The following LIMD1 variants were observed in gnomAD, a reference collection of about 807,000 sequenced individuals.
LIMD1 encodes LIM domain-containing protein 1.
A neutral mutation model predicts 58.4 loss-of-function variants in LIMD1; 23 were observed. That is an observed-to-expected ratio of 0.39 (90% CI 0.28 to 0.56). The LOEUF (loss-of-function observed/expected upper bound fraction) is 0.56, where lower values mean the gene tolerates loss of function less well. LIMD1 is among the 20% of genes least tolerant of loss of function. The pLI is 0.57. For missense variants in LIMD1, 838 were observed against 855.5 expected (o/e 0.98, Z 0.25); for synonymous variants, 334 against 345.5 (o/e 0.97, Z 0.37).
chr3:45,609,572 A>G (rs959219613), intron 1 of LIMD1, among the ~76,000 whole-genome samples: 1 of 152,282 alleles, frequency 6.6e-6, no homozygotes, highest in African/African-American at 2.4e-5. Context: ...AGTTGTGGGC[A>G]TGAACCCCAA....
intron 1 of LIMD1, among the ~76,000 whole-genome samples, chr3:45,602,699 C>G (rs1490442589): frequency 2.1e-5 from 3 of 144,618 alleles, no homozygotes; most frequent in Non-Finnish European, 4.6e-5. Context: ...AAGCAAGGAA[C>G]ATGTGGATGT....
At chr3:45,659,825 C>A (rs1303502018) in intron 2 of LIMD1, among the ~76,000 whole-genome samples, 1 of 152,156 alleles carries the variant, frequency 6.6e-6, no homozygotes, top group Non-Finnish European at 1.5e-5. Flanking sequence ...CTCACTGAGT[C>A]AGAGATAAAC....
chr3:45,658,080 T>C (rs995535540), intron 2 of LIMD1, among the ~76,000 whole-genome samples: 1 of 152,208 alleles, frequency 6.6e-6, no homozygotes, highest in Non-Finnish European at 1.5e-5. Context: ...TAAAAATATA[T>C]GTGAAAGCCC....
chr3:45,668,156 T>C (rs143776064), intron 3 of LIMD1, 138 bp from the exon 4 acceptor site: 49 of 657,394 alleles, frequency 7.5e-5, no homozygotes, highest in Middle Eastern at 5.5e-4. Context: ...ACAGCTGTGT[T>C]GTACTTGGGG....
rs144425909 is a variant in LIMD1, at chr3:45,674,360, C to T, written c.1842C>T (p.Ile614=). Residue 614 remains isoleucine, a synonymous_variant, in exon 7 of 8, where the codon ATC becomes ATT. Transcript: ENST00000273317. ...GGTCCCAGGGCTCAGATGAGACCATCCGTGTCGTGTCCATGGACAGAGACT... is the reference window on the plus strand; with the variant it reads ...GGTCCCAGGGCTCAGATGAGACCATTCGTGTCGTGTCCATGGACAGAGACT... ...ILPPEGSDET[I]RVVSMDRDYH... is the part of the protein sequence containing the mutation. 1.4e-5 allele frequency: 23 copies of T among 1,613,858 alleles called. No individual in the cohort carries two copies. Among genetic ancestry groups the T allele is most frequent in the Non-Finnish European group, 1.9e-5 (23 of 1,179,958 alleles).
At chr3:45,598,975 A>C (rs1257315187) in intron 1 of LIMD1, among the ~76,000 whole-genome samples, 2 of 152,144 alleles carry the variant, frequency 1.3e-5, no homozygotes, top group African/African-American at 4.8e-5. Context: ...AGAAAACGGA[A>C]GCTCAGGGAG....
intron 1 of LIMD1, among the ~76,000 whole-genome samples, chr3:45,597,366 C>G (rs905822708): frequency 2.6e-5 from 4 of 152,190 alleles, no homozygotes; most frequent in Non-Finnish European, 5.9e-5. Context: ...ACCCAGGTAA[C>G]AGCCAACAGC....
chr3:45,636,254 A>AAGTGTG lies in LIMD1; in HGVS notation c.1510+4_1510+9dup, dbSNP rs780008615. The AAGTGTG allele has an allele frequency of 8.1e-6, 13 of 1,601,992 alleles. No homozygotes were observed. The highest frequency in any genetic ancestry group is 3.4e-6 in the Non-Finnish European group (4 of 1,173,144). On this transcript the variant is annotated splice_donor_region_variant and intron_variant, in intron 2 of 7. Transcript: ENST00000273317. ...ATGCTTCACCTGTGCAGCTTGCAGT[A>AAGTGTG]AGTGTGGGTGTGGGTGTCGGGTGTG...
Position 45,595,098 on chromosome 3 carries a change from G to T in LIMD1, c.219G>T (p.Gly73=). The change falls in exon 1 of 8, where the codon GGG becomes GGT. Residue 73 remains glycine, a synonymous_variant. Transcript: ENST00000273317. ...TGCAGGAGGAGACTCTGCCCAGGGGGAGTAGAGGCCCTGTCAATGGAGGGG... is the reference window on the plus strand; with the variant it reads ...TGCAGGAGGAGACTCTGCCCAGGGGTAGTAGAGGCCCTGTCAATGGAGGGG... ...QLLQEETLPR[G]SRGPVNGGGR... The T allele has an allele frequency of 6.2e-7, 1 of 1,612,610 alleles. No homozygotes were observed. Among genetic ancestry groups the T allele is most frequent in the Non-Finnish European group, 8.5e-7 (1 of 1,179,512 alleles).
At chr3:45,619,314 C>T (rs1182379723) in intron 1 of LIMD1, among the ~76,000 whole-genome samples, 1 of 152,098 alleles carries the variant, frequency 6.6e-6, no homozygotes, top group Non-Finnish European at 1.5e-5. Flanking sequence ...CAGCTGCGAG[C>T]TCTTCTTTAT....
rs762008036 is a variant in LIMD1 at position 45,595,979 on chromosome 3, G to A, written c.1100G>A (p.Gly367Glu). 4.3e-6 allele frequency: 7 copies of A among 1,614,200 alleles called. No homozygotes were observed. Among genetic ancestry groups the A allele is most frequent in the Non-Finnish European group, 5.9e-6 (7 of 1,180,036 alleles). ...GGTTCACAGCAGGGTGCGGTCCCTG[G>A]GCTGGGGCCGAAGCCTGGCTGCACA... ...LDGSQQGAVP[G>E]LGPKPGCTDL... is the part of the protein sequence containing the mutation. The change falls in exon 1 of 8, where the codon GGG (glycine) becomes GAG (glutamate). Residue 367 changes from glycine to glutamate, a missense_variant. Gly to Glu is a moderately conservative substitution (Grantham distance 98). Coordinates refer to ENST00000273317, the MANE Select transcript of LIMD1 (RefSeq NM_014240.3).
At position 45,594,902 on chromosome 3, in the gene LIMD1, G is replaced by C. The variant is rs879508473; in HGVS notation, c.23G>C (p.Gly8Ala). The C allele has an allele frequency of 9.9e-6, 16 of 1,610,788 alleles. No individual in the cohort carries two copies. Among genetic ancestry groups the C allele is most frequent in the Non-Finnish European group, 1.3e-5 (15 of 1,179,416 alleles). MDKYDDL[G>A]LEASKFIEDL... Reference sequence around the variant, plus strand: ...AGCATGGATAAGTATGACGACCTGGGCCTGGAGGCCAGTAAATTCATCGAG... The same window carrying C: ...AGCATGGATAAGTATGACGACCTGGCCCTGGAGGCCAGTAAATTCATCGAG... The change falls in exon 1 of 8, where the codon GGC becomes GCC. Residue 8 changes from glycine (G) to alanine (A), a missense_variant. Coordinates refer to ENST00000273317, the MANE Select transcript of LIMD1 (RefSeq NM_014240.3).
intron 1 of LIMD1, among the ~76,000 whole-genome samples, chr3:45,622,046 AGC>A: frequency 6.7e-6 from 1 of 150,088 alleles, no homozygotes; most frequent in African/African-American, 2.4e-5. Context: ...CTGGCGACAG[AGC>A]GAGACTCCAT....
intron 1 of LIMD1, among the ~76,000 whole-genome samples, chr3:45,599,736 G>A (rs1701392920): frequency 6.6e-6 from 1 of 152,236 alleles, no homozygotes; most frequent in Non-Finnish European, 1.5e-5. Flanking sequence ...GCTGCAAGAT[G>A]AGCTCCCAGG....
At chr3:45,637,750 T>A (rs1329312209) in intron 2 of LIMD1, among the ~76,000 whole-genome samples, 1 of 74,468 alleles carries the variant, frequency 1.3e-5, no homozygotes, top group African/African-American at 3.7e-5. Flanking sequence ...ACCAGTGCAT[T>A]GTGGTTAACC....
At chr3:45,607,928 G>A (rs1200136837) in intron 1 of LIMD1, among the ~76,000 whole-genome samples, 1 of 152,178 alleles carries the variant, frequency 6.6e-6, no homozygotes, top group Non-Finnish European at 1.5e-5. Context: ...TGATGGTTAG[G>A]GCTGGCCCTG....
chr3:45,641,731 A>C (rs1701844707), intron 2 of LIMD1, among the ~76,000 whole-genome samples: 1 of 152,230 alleles, frequency 6.6e-6, no homozygotes, highest in Admixed American at 6.5e-5. Context: ...TTACATAGGC[A>C]GGCAACACAA....
At chr3:45,610,425 C>T (rs1342888391) in intron 1 of LIMD1, among the ~76,000 whole-genome samples, 2 of 152,144 alleles carry the variant, frequency 1.3e-5, no homozygotes. Flanking sequence ...CCTTTGGTAG[C>T]TGAGGACTAG....
intron 2 of LIMD1, among the ~76,000 whole-genome samples, chr3:45,656,235 C>G (rs556901158): frequency 6.6e-6 from 1 of 152,284 alleles, no homozygotes; most frequent in Non-Finnish European, 1.5e-5. Flanking sequence ...GTTTAAGCTA[C>G]TCACTTTATG....
Sources: gnomAD v4.1 joint callset for allele counts (sites outside exome capture counted in the v4.1 genomes callset) on GRCh38, gnomAD v4.1.1 for gene constraint, MANE v1.5 for transcripts, NCBI Gene and HGNC (gene_info 2026-07-23, HGNC 2026-07-21) for gene names.